Variants in ABCA1 observed in about 807,000 individuals in gnomAD.
ABCA1 encodes phospholipid-transporting ATPase ABCA1.
A neutral mutation model predicts 262.5 loss-of-function variants in ABCA1; 133 were observed. That is an observed-to-expected ratio of 0.51 (90% CI 0.44 to 0.59). ABCA1 has a LOEUF of 0.59. Ranked by LOEUF, ABCA1 falls within the 20% of genes least tolerant of loss-of-function variation. The pLI is 0.00. For synonymous variants in ABCA1, 1,022 were observed against 1,043.5 expected, an observed-to-expected ratio of 0.98 and a Z score of 0.40; for missense variants, 2,452 against 2,777.5, an observed-to-expected ratio of 0.88 and a Z score of 2.63.
At chr9:104,915,651 A>T (rs4149262) in intron 1 of ABCA1, among the ~76,000 whole-genome samples, 11,766 of 152,160 alleles carry the variant, frequency 0.077, 738 homozygotes, top group East Asian at 0.35. Context: ...TGTTATTAAG[A>T]TTTTCACAAA....
intron 11 of ABCA1, among the ~76,000 whole-genome samples, chr9:104,834,550 C>G (rs938004940): frequency 1.0e-4 from 15 of 148,668 alleles, no homozygotes; most frequent in Admixed American, 4.8e-4. Context: ...CGGCCCTGCC[C>G]AGTATGGTTT....
In ABCA1 at chr9:104,817,190, C is replaced by T; in HGVS notation, c.3535+142G>A. ...CCAACCCGCCACCAAGCTGCTCCCA[C>T]ACCCGCAGCCACCCAGCCCCAGCCC... On this transcript the variant is annotated intron_variant, in intron 24 of 49. Transcript: ENST00000374736. This position sits in a 1 kb window ranked among gnomAD's most constrained non-coding sequence, Gnocchi z 4.7. 6.4e-7 allele frequency: 1 copy of T among 1,556,612 alleles called. No homozygotes were observed.
At chr9:104,877,840 C>G (rs1033189188) in intron 5 of ABCA1, among the ~76,000 whole-genome samples, 1 of 152,246 alleles carries the variant, frequency 6.6e-6, no homozygotes, top group Non-Finnish European at 1.5e-5. Context: ...CCCACACTCA[C>G]TCTTATACCA....
chr9:104,879,206 T>C (rs368586463), intron 5 of ABCA1, among the ~76,000 whole-genome samples: 1 of 152,238 alleles, frequency 6.6e-6, no homozygotes, highest in East Asian at 1.9e-4. Flanking sequence ...GCTGCATAAA[T>C]TGCAAGGCAG....
At position 104,820,021 on chromosome 9, in the gene ABCA1, G is replaced by C; in HGVS notation, c.3009C>G (p.Leu1003=). The part of the protein sequence containing the change: ...HIWFYARLKG[L]SEKHVKAEME... ...TCTCCGCCTTCACGTGCTTCTCAGAGAGCCCTTTCAAGCGGGCATAGAACC... is the reference window on the plus strand; with the variant it reads ...TCTCCGCCTTCACGTGCTTCTCAGACAGCCCTTTCAAGCGGGCATAGAACC... Residue 1003 remains leucine, a synonymous_variant, in exon 21 of 50, where the codon CTC becomes CTG. Coordinates refer to ENST00000374736, the MANE Select transcript of ABCA1 (RefSeq NM_005502.4). The C allele has an allele frequency of 1.2e-6, 2 of 1,614,068 alleles. No individual in the cohort carries two copies. Among genetic ancestry groups the C allele is most frequent in the Non-Finnish European group, 1.7e-6 (2 of 1,180,014 alleles).
intron 43 of ABCA1, 121 bp downstream of exon 43, chr9:104,791,815 C>A: frequency 1.1e-6 from 1 of 912,820 alleles, no homozygotes; most frequent in Non-Finnish European, 1.7e-6. Context: ...TTGCTCCATC[C>A]TGGCATAAAT....
Position 104,825,871 on chromosome 9 carries a change from A to C in ABCA1, c.2354T>G (p.Val785Gly). 1 of 1,614,110 alleles carries C rather than the reference A, an allele frequency of 6.2e-7. No individual in the cohort carries two copies. Among genetic ancestry groups the C allele is most frequent in the African/African-American group, 1.3e-5 (1 of 75,054 alleles). Residue 785 changes from valine to glycine, a missense_variant, in exon 17 of 50, where the codon GTG (valine) becomes GGG (glycine). This residue lies in a region of ABCA1 where 1,032 missense variants were observed against 1,089.7 expected (regional missense o/e 0.95). Coordinates refer to ENST00000374736, the MANE Select transcript of ABCA1 (RefSeq NM_005502.4). ...LKIFASLLSP[V>G]AFGFGCEYFA... is the part of the protein sequence containing the mutation. ...GTACTCACAGCCAAACCCAAAAGCC[A>C]CAGGAGACAGCAGGCTCTGTGAGAA...
chr9:104,804,278 C>T (rs1830581792), intron 32 of ABCA1, among the ~76,000 whole-genome samples: 1 of 152,184 alleles, frequency 6.6e-6, no homozygotes, highest in African/African-American at 2.4e-5. Context: ...TAATTTAGTC[C>T]TCATGACAAA....
In ABCA1 at chr9:104,843,493, C is replaced by A. The variant is rs1834570353; in HGVS notation, c.813+1984G>T. On this transcript the variant is annotated intron_variant, in intron 8 of 49. Transcript: ENST00000374736. ...CTGGAGTTTTTCACGAAGCAGGCAA[C>A]AACACAGGCTTTGGAATCCAACAGT... 4.6e-5 allele frequency among the ~76,000 whole-genome samples: 7 copies of A among 152,190 alleles called. 1 individual carries two copies. In the South Asian group the frequency reaches 1.5e-3, roughly 32 times the overall value.
chr9:104,812,954 G>C (rs1831410295), intron 27 of ABCA1, among the ~76,000 whole-genome samples: 2 of 152,220 alleles, frequency 1.3e-5, no homozygotes, highest in Admixed American at 1.3e-4. Flanking sequence ...GTACAGAAAA[G>C]AAAGGTGTCT....
At position 104,819,581 on chromosome 9, in the gene ABCA1, G is replaced by A; in HGVS notation, c.3241+5C>T. On this transcript the variant is annotated splice_donor_5th_base_variant and intron_variant, in intron 22 of 49. Coordinates refer to ENST00000374736, the MANE Select transcript of ABCA1 (RefSeq NM_005502.4). ...ATTTACTCAGAATAAATACACATCA[G>A]GCACCTTGTCGGTATTTCAGCAGCA... 1 of 1,614,086 alleles carries A rather than the reference G, an allele frequency of 6.2e-7. No homozygotes were observed. The highest frequency in any genetic ancestry group is 2.2e-5 in the East Asian group (1 of 44,888).
chr9:104,805,264 AG>A (rs1413395902), intron 31 of ABCA1, among the ~76,000 whole-genome samples: 1 of 152,128 alleles, frequency 6.6e-6, no homozygotes, highest in African/African-American at 2.4e-5. Flanking sequence ...TAGTAGAGAC[AG>A]GGTTTCGCCA....
At chr9:104,847,283 G>A (rs1259574598) in intron 7 of ABCA1, among the ~76,000 whole-genome samples, 1 of 152,210 alleles carries the variant, frequency 6.6e-6, no homozygotes, top group Non-Finnish European at 1.5e-5. Context: ...ACCTGGGGTA[G>A]CTATAGAACC....
chr9:104,852,384 A>G (rs1042113272), intron 7 of ABCA1, among the ~76,000 whole-genome samples: 1 of 152,246 alleles, frequency 6.6e-6, no homozygotes, highest in Non-Finnish European at 1.5e-5. Flanking sequence ...AATCTTTTAA[A>G]AAATAAATCA....
intron 46 of ABCA1, chr9:104,787,710 G>T: frequency 3.0e-6 from 1 of 334,412 alleles, no homozygotes; most frequent in Non-Finnish European, 4.3e-6. Context: ...AGTGCTTGGA[G>T]TGCCTCTATT....
At chr9:104,794,128 A>G (rs545595397) in intron 40 of ABCA1, among the ~76,000 whole-genome samples, 2 of 152,192 alleles carry the variant, frequency 1.3e-5, no homozygotes, top group African/African-American at 2.4e-5. Context: ...AGTGGATCCA[A>G]GCAAATGCCA....
chr9:104,889,986 C>G (rs1360846690), intron 2 of ABCA1, among the ~76,000 whole-genome samples: 1 of 152,068 alleles, frequency 6.6e-6, no homozygotes, highest in Non-Finnish European at 1.5e-5. Flanking sequence ...AAAGGAAAAC[C>G]CTGCCTCAGT....
chr9:104,914,985 C>A (rs1340528241), intron 1 of ABCA1, among the ~76,000 whole-genome samples: 2 of 152,156 alleles, frequency 1.3e-5, no homozygotes, highest in Admixed American at 1.3e-4. Context: ...CAAGCAAGGG[C>A]ACCTTCCCCG....
intron 2 of ABCA1, among the ~76,000 whole-genome samples, chr9:104,895,522 T>C (rs187263678): frequency 1.9e-4 from 29 of 152,024 alleles, no homozygotes; most frequent in Admixed American, 9.2e-4. Context: ...TGGGGTGGGG[T>C]AGGGGGATAA....
Sources: allele counts gnomAD v4.1 joint callset (sites outside exome capture counted in the v4.1 genomes callset), GRCh38; gene constraint gnomAD v4.1.1; regional missense constraint gnomAD v4.1.1; non-coding constraint Gnocchi (gnomAD v3.1); transcripts MANE v1.5; gene names NCBI Gene and HGNC (gene_info 2026-07-23, HGNC 2026-07-21).